NBAS: variants seen among roughly 807,000 people sequenced by gnomAD.
NBAS encodes the protein NAG/BC035112 fusion.
Under a neutral mutation model 302.5 loss-of-function variants are expected in NBAS, and 219 were observed. The observed-to-expected ratio is 0.72, with a 90% CI of 0.65 to 0.81. The LOEUF (loss-of-function observed/expected upper bound fraction) is 0.81. NBAS is among the 30% of genes least tolerant of loss of function. The pLI, the probability that NBAS is intolerant of heterozygous loss-of-function variation, is 0.00. For synonymous variants in NBAS, 1,118 were observed against 1,021.6 expected (o/e 1.09, Z -1.80); for missense variants, 2,932 against 2,841.6 (o/e 1.03, Z -0.72).
rs752212458 is a variant in NBAS, at chr2:15,167,014, T to C, written c.*34A>G. On this transcript the variant is annotated 3_prime_UTR_variant, in exon 52 of 52. Coordinates refer to ENST00000281513, the MANE Select transcript of NBAS (RefSeq NM_015909.4). ...GGGAACAGCATTCAACTCCAGATGC[T>C]TTTTCTGCTAAGGAGCAGGGCCACA... is the stretch of plus-strand genomic sequence containing the variant. The C allele has an allele frequency of 6.6e-7, 1 of 1,509,222 alleles. No individual in the cohort carries two copies. Among genetic ancestry groups the C allele is most frequent in the Non-Finnish European group, 8.9e-7 (1 of 1,128,582 alleles). The allele number at this position is 1,509,222 out of a possible 1,614,324, so 93.5% of individuals were successfully genotyped here.
the NBAS span, among the ~76,000 whole-genome samples, chr2:14,897,403 A>C: frequency 6.6e-6 from 1 of 152,158 alleles, no homozygotes; most frequent in Non-Finnish European, 1.5e-5. Flanking sequence ...AAAATGTGAA[A>C]ACACTTATTT....
At chr2:15,360,797 C>A (rs955573539) in intron 32 of NBAS, among the ~76,000 whole-genome samples, 1 of 152,036 alleles carries the variant, frequency 6.6e-6, no homozygotes, top group Non-Finnish European at 1.5e-5. Flanking sequence ...GGAAGGCCTT[C>A]GGGCCATAAC....
chr2:15,262,881 C>T (rs186681178), intron 44 of NBAS, among the ~76,000 whole-genome samples: 6 of 152,238 alleles, frequency 3.9e-5, no homozygotes, highest in Admixed American at 1.3e-4. Flanking sequence ...AGGAACTCTG[C>T]GAGGTGATTC....
At chr2:15,053,065 T>A in the NBAS span, among the ~76,000 whole-genome samples, 1 of 152,210 alleles carries the variant, frequency 6.6e-6, no homozygotes, top group Admixed American at 6.5e-5. Context: ...TTCCTGTGCA[T>A]GCATTAAAAG....
chr2:15,213,707 C>T (rs1004059520), intron 48 of NBAS, among the ~76,000 whole-genome samples: 4 of 152,148 alleles, frequency 2.6e-5, no homozygotes, highest in Admixed American at 6.6e-5. Context: ...TAAAGATTAG[C>T]GTGCACATAG....
At chr2:14,930,613 C>T in the NBAS span, among the ~76,000 whole-genome samples, 5 of 152,176 alleles carry the variant, frequency 3.3e-5, no homozygotes, top group African/African-American at 1.2e-4. Context: ...CAGTTACAGC[C>T]TTGTTGCTAC....
At chr2:14,818,661 T>G in the NBAS span, among the ~76,000 whole-genome samples, 1 of 152,220 alleles carries the variant, frequency 6.6e-6, no homozygotes, top group Non-Finnish European at 1.5e-5. Context: ...CGACAGTCCT[T>G]ACCGTGTCAA....
chr2:15,140,463 GGT>G, the NBAS span, among the ~76,000 whole-genome samples: 1 of 152,202 alleles, frequency 6.6e-6, no homozygotes, highest in Non-Finnish European at 1.5e-5. Flanking sequence ...GTTACCACTT[GGT>G]GACCTTAACC....
the NBAS span, among the ~76,000 whole-genome samples, chr2:14,854,976 C>T: frequency 2.0e-5 from 3 of 152,052 alleles, no homozygotes; most frequent in African/African-American, 7.3e-5. Context: ...CCTCCTTAAC[C>T]CCCAGGCTGC....
At chr2:14,998,423 T>G in the NBAS span, among the ~76,000 whole-genome samples, 19 of 152,304 alleles carry the variant, frequency 1.2e-4, no homozygotes, top group African/African-American at 4.6e-4. Flanking sequence ...AATGGAGACC[T>G]GCAACAAGAC....
At chr2:15,220,079 G>C in intron 47 of NBAS, among the ~76,000 whole-genome samples, 2 of 148,400 alleles carry the variant, frequency 1.3e-5, no homozygotes, top group Admixed American at 1.3e-4. Flanking sequence ...CGGGCGGGGG[G>C]CTGACCCCCC....
At chr2:15,039,126 G>C in the NBAS span, among the ~76,000 whole-genome samples, 1 of 152,186 alleles carries the variant, frequency 6.6e-6, no homozygotes, top group East Asian at 1.9e-4. Flanking sequence ...CTTTGGGCAA[G>C]TGGCTTATCT....
At chr2:15,230,072 G>A (rs1032498306) in intron 47 of NBAS, among the ~76,000 whole-genome samples, 2 of 152,122 alleles carry the variant, frequency 1.3e-5, no homozygotes, top group Non-Finnish European at 2.9e-5. Context: ...GGGACTGAGG[G>A]AGGCTTGGTA....
At position 15,402,248 on chromosome 2, in the gene NBAS, C is replaced by T. The variant is rs1336660189; in HGVS notation, c.2991G>A (p.Glu997=). The change falls in exon 26 of 52, where the codon GAG becomes GAA. Residue 997 remains glutamate (E), a synonymous_variant. Transcript: ENST00000281513. ...DQDQLMAIAL[E]CIYTCERNDQ... ...CATTTCGTTCACAGGTATAGATGCA[C>T]TCTAGTGCTATTGCCATCAGTTGGT... 1 of 1,613,554 alleles carries T rather than the reference C, an allele frequency of 6.2e-7. No individual in the cohort carries two copies. Among genetic ancestry groups the T allele is most frequent in the Non-Finnish European group, 8.5e-7 (1 of 1,179,678 alleles).
the NBAS span, among the ~76,000 whole-genome samples, chr2:14,876,461 A>G: frequency 6.6e-6 from 1 of 152,210 alleles, no homozygotes. Flanking sequence ...TGTATTCAGC[A>G]GTCCTCAAAG....
chr2:15,305,644 G>A (rs931272128), intron 40 of NBAS, among the ~76,000 whole-genome samples: 4 of 151,678 alleles, frequency 2.6e-5, no homozygotes, highest in Non-Finnish European at 5.9e-5. Context: ...TAGAGGCGGG[G>A]TTTCACCATG....
intron 35 of NBAS, among the ~76,000 whole-genome samples, chr2:15,350,127 T>C (rs1673280084): frequency 6.6e-6 from 1 of 152,032 alleles, no homozygotes; most frequent in African/African-American, 2.4e-5. Flanking sequence ...GTTGTGAGAA[T>C]GGGGTAGTTG....
intron 44 of NBAS, among the ~76,000 whole-genome samples, chr2:15,261,417 C>A (rs1668847564): frequency 6.6e-6 from 1 of 152,136 alleles, no homozygotes; most frequent in Non-Finnish European, 1.5e-5. Context: ...AATATTCAAA[C>A]ACAAAAATAA....
chr2:14,924,324 T>C, the NBAS span, among the ~76,000 whole-genome samples: 2 of 152,210 alleles, frequency 1.3e-5, no homozygotes, highest in Non-Finnish European at 1.5e-5. Context: ...AATGGACTAG[T>C]TGGTGCTCAT....
Sources: gnomAD v4.1 joint callset for allele counts (sites outside exome capture counted in the v4.1 genomes callset) on GRCh38, gnomAD v4.1.1 for gene constraint, MANE v1.5 for transcripts, NCBI Gene and HGNC (gene_info 2026-07-23, HGNC 2026-07-21) for gene names.